Variants in VPS16 observed in about 807,000 individuals in gnomAD.
The protein encoded by VPS16 is vacuolar protein sorting-associated protein 16 homolog.
In VPS16, 82 loss-of-function variants were observed where a neutral mutation model predicts 116.0. That is an observed-to-expected ratio of 0.71 (90% CI 0.59 to 0.85). VPS16 has a LOEUF of 0.85. Ranked by LOEUF, VPS16 falls within the 40% of genes least tolerant of loss-of-function variation. VPS16 has a pLI of 0.00. For synonymous variants in VPS16, 406 were observed against 420.7 expected (o/e 0.96, Z 0.43); for missense variants, 928 against 1,090.6 (o/e 0.85, Z 2.10).
In VPS16 at chr20:2,859,708, T is replaced by C; in HGVS notation, c.54-11T>C. The C allele has an allele frequency of 1.2e-6, 2 of 1,612,732 alleles. No individual in the cohort carries two copies. Among genetic ancestry groups the C allele is most frequent in the Non-Finnish European group, 1.7e-6 (2 of 1,179,604 alleles). On this transcript the variant is annotated splice_polypyrimidine_tract_variant and intron_variant, in intron 1 of 23. Coordinates refer to ENST00000380445, the MANE Select transcript of VPS16 (RefSeq NM_022575.4). Reference sequence around the variant, plus strand: ...AATGAGGCTAATTTCTGCTCATCTCTGTGTGGGCAGGAAATATGAGCTGTA... The same window carrying C: ...AATGAGGCTAATTTCTGCTCATCTCCGTGTGGGCAGGAAATATGAGCTGTA...
chr20:2,866,423 A>G lies in VPS16; in HGVS notation c.2376-7A>G. 1 of 1,614,078 alleles carries G rather than the reference A, an allele frequency of 6.2e-7. No homozygotes were observed. Among genetic ancestry groups the G allele is most frequent in the Non-Finnish European group, 8.5e-7 (1 of 1,180,008 alleles). Reference sequence around the variant, plus strand: ...CAACACCACCTCCTCTCTTGCTCAAACCACAGCGATGTGGCTCAGGCTGCA... The same window carrying G: ...CAACACCACCTCCTCTCTTGCTCAAGCCACAGCGATGTGGCTCAGGCTGCA... On this transcript the variant is annotated splice_polypyrimidine_tract_variant and splice_region_variant and intron_variant, in intron 23 of 23. Coordinates refer to ENST00000380445, the MANE Select transcript of VPS16 (RefSeq NM_022575.4).
At chr20:2,844,948 G>T (rs554766275) in intron 1 of VPS16, among the ~76,000 whole-genome samples, 1 of 141,670 alleles carries the variant, frequency 7.1e-6, no homozygotes, top group East Asian at 2.1e-4. Context: ...TCTGAAGAAC[G>T]ATGGGAAGCC....
intron 11 of VPS16, 24 bp from the exon 12 acceptor site, chr20:2,862,555 T>A: frequency 6.2e-7 from 1 of 1,607,302 alleles, no homozygotes; most frequent in Non-Finnish European, 8.5e-7. Flanking sequence ...CATGATGCCC[T>A]GGCTCTGGAC....
chr20:2,860,889 T>C lies in VPS16; in HGVS notation c.630+26T>C. Reference sequence around the variant, plus strand: ...GTAAGGGCCCTGAGTGGGAATGAAGTGGACGGGCTGGGTTAGGCAATAGGG... The same window carrying C: ...GTAAGGGCCCTGAGTGGGAATGAAGCGGACGGGCTGGGTTAGGCAATAGGG... On this transcript the variant is annotated intron_variant, in intron 6 of 23. Coordinates refer to ENST00000380445, the MANE Select transcript of VPS16 (RefSeq NM_022575.4). The surrounding 1 kb of genome is among the most constrained non-coding windows in gnomAD (Gnocchi z 6.1). The C allele has an allele frequency of 6.2e-7, 1 of 1,614,040 alleles. No individual in the cohort carries two copies. Among genetic ancestry groups the C allele is most frequent in the Non-Finnish European group, 8.5e-7 (1 of 1,180,030 alleles).
chr20:2,853,063 T>G (rs2089137255), intron 1 of VPS16, among the ~76,000 whole-genome samples: 1 of 152,210 alleles, frequency 6.6e-6, no homozygotes, highest in African/African-American at 2.4e-5. Context: ...TGTTGTCATT[T>G]CAACAGTGTT....
intron 7 of VPS16, 28 bp downstream of exon 7, chr20:2,861,120 C>T: frequency 6.2e-7 from 1 of 1,614,212 alleles, no homozygotes; most frequent in South Asian, 1.1e-5. Flanking sequence ...CACAGGGGTA[C>T]TGTGCCTTGT....
At chr20:2,851,646 G>A (rs2089122348) in intron 1 of VPS16, among the ~76,000 whole-genome samples, 1 of 147,040 alleles carries the variant, frequency 6.8e-6, no homozygotes, top group African/African-American at 2.5e-5. Context: ...TGGGCAACAA[G>A]AGCAAAACTC....
intron 1 of VPS16, among the ~76,000 whole-genome samples, chr20:2,850,413 G>T (rs139876566): frequency 0.01 from 1,585 of 152,184 alleles, 33 homozygotes; most frequent in African/African-American, 0.035. Context: ...CAGATCATGA[G>T]GTCAAGAAAT....
chr20:2,862,825 T>A lies in VPS16; in HGVS notation c.1222T>A (p.Cys408Ser). 2 of 1,614,048 alleles carry A rather than the reference T, an allele frequency of 1.2e-6. No homozygotes were observed. The highest frequency in any genetic ancestry group is 1.7e-6 in the Non-Finnish European group (2 of 1,180,016). ...TTCTCAGGCCGCCTCCTTCGGAAAG[T>A]GTTTCCTGGACAGATTTCCACCCGA... Reference protein sequence around the residue: ...SLLRAASFGKCFLDRFPPDSF... With the variant: ...SLLRAASFGKSFLDRFPPDSF... The change falls in exon 13 of 24, where the codon TGT (cysteine) becomes AGT (serine). Residue 408 changes from cysteine (C) to serine (S), a missense_variant. Cys to Ser is a moderately radical substitution (Grantham distance 112). Transcript: ENST00000380445.
intron 11 of VPS16, 43 bp from the exon 12 acceptor site, chr20:2,862,536 G>A (rs1372194505): frequency 6.3e-7 from 1 of 1,598,042 alleles, no homozygotes; most frequent in Admixed American, 1.7e-5. Context: ...ATGTGGGAGT[G>A]TTCTCTGTCA....
intron 1 of VPS16, among the ~76,000 whole-genome samples, chr20:2,841,636 C>T (rs2088975595): frequency 6.6e-6 from 1 of 152,180 alleles, no homozygotes; most frequent in Non-Finnish European, 1.5e-5. Context: ...CTGATTCTCC[C>T]CCAATAGAAT....
chr20:2,866,662 C>A lies in VPS16; in HGVS notation c.*88C>A. 6.4e-7 allele frequency: 1 copy of A among 1,567,432 alleles called. No homozygotes were observed. The highest frequency in any genetic ancestry group is 8.7e-7 in the Non-Finnish European group (1 of 1,155,438). On this transcript the variant is annotated 3_prime_UTR_variant, in exon 24 of 24. Transcript: ENST00000380445. ...GGCCATAGTTCATCCAGCTCCTCCCCTAGAGCAATGCTGAGGAGCGGGGGC... is the reference window on the plus strand; with the variant it reads ...GGCCATAGTTCATCCAGCTCCTCCCATAGAGCAATGCTGAGGAGCGGGGGC...
Position 2,864,964 on chromosome 20 carries a change from T to C in VPS16, c.1927-14T>C, listed in dbSNP as rs1176520210. 3.7e-6 allele frequency: 6 copies of C among 1,614,018 alleles called. No homozygotes were observed. Among genetic ancestry groups the C allele is most frequent in the Non-Finnish European group, 5.1e-6 (6 of 1,180,006 alleles). On this transcript the variant is annotated splice_polypyrimidine_tract_variant and intron_variant, in intron 19 of 23. Transcript: ENST00000380445. This position sits in a 1 kb window ranked among gnomAD's most constrained non-coding sequence, Gnocchi z 5.2. ...GCATGCTGTGAGTTCAGGCCTTCCTTCTTGTCTTTATAGCGTATTGAGGGG... is the reference window on the plus strand; with the variant it reads ...GCATGCTGTGAGTTCAGGCCTTCCTCCTTGTCTTTATAGCGTATTGAGGGG...
chr20:2,861,341 A>G (rs1220285092), intron 8 of VPS16, 61 bp downstream of exon 8: 1 of 1,609,454 alleles, frequency 6.2e-7, no homozygotes, highest in Non-Finnish European at 8.5e-7. Flanking sequence ...TCCTGGGACA[A>G]TCAGTTCCTT....
At chr20:2,856,256 C>A (rs1355302788) in intron 1 of VPS16, among the ~76,000 whole-genome samples, 1 of 152,112 alleles carries the variant, frequency 6.6e-6, no homozygotes, top group African/African-American at 2.4e-5. Context: ...AGAACACATA[C>A]AACATTTATC....
chr20:2,862,357 A>G (rs1000403838), intron 11 of VPS16: 16 of 1,056,684 alleles, frequency 1.5e-5, no homozygotes, highest in Non-Finnish European at 2.0e-5. Flanking sequence ...CTGGGTTACT[A>G]TTGGGAGGAG....
intron 1 of VPS16, among the ~76,000 whole-genome samples, chr20:2,853,675 AT>A (rs948375431): frequency 6.6e-6 from 1 of 151,388 alleles, no homozygotes; most frequent in African/African-American, 2.4e-5. Flanking sequence ...TTTTATTTTT[AT>A]TTTTTTTATT....
In VPS16 at chr20:2,861,900, G is replaced by T; in HGVS notation, c.994+1G>T. 6.2e-7 allele frequency: 1 copy of T among 1,613,344 alleles called. No individual in the cohort carries two copies. The highest frequency in any genetic ancestry group is 8.5e-7 in the Non-Finnish European group (1 of 1,179,746). On this transcript the variant is annotated splice_donor_variant, in intron 10 of 23. Transcript: ENST00000380445. LOFTEE classifies it high-confidence loss of function. The stretch of plus-strand genomic sequence containing the variant: ...CACGAGTTCCTGCATGAGGTTCCAG[G>T]TGAGGCCTTCACAAGGGCACCACAT...
chr20:2,861,451 T>C (rs1237400514), intron 8 of VPS16, among the ~76,000 whole-genome samples, 164 bp from the exon 9 acceptor site: 1 of 152,170 alleles, frequency 6.6e-6, no homozygotes, highest in Non-Finnish European at 1.5e-5. Flanking sequence ...GGGCCACAGC[T>C]GCCTTGAGCT....
Sources: gnomAD v4.1 joint callset for allele counts (sites outside exome capture counted in the v4.1 genomes callset) on GRCh38, gnomAD v4.1.1 for gene constraint, Gnocchi (gnomAD v3.1) non-coding constraint, MANE v1.5 for transcripts, NCBI Gene and HGNC (gene_info 2026-07-23, HGNC 2026-07-21) for gene names.